DNAH5: variants seen among roughly 807,000 people sequenced by gnomAD.
DNAH5 encodes the protein axonemal beta dynein heavy chain 5.
DNAH5 carries 372 observed loss-of-function variants against 518.2 expected under a neutral mutation model. The ratio of observed to expected loss-of-function variants is 0.72; its 90% confidence interval spans 0.66 to 0.78. The LOEUF (loss-of-function observed/expected upper bound fraction) is 0.78, where lower values mean the gene tolerates loss of function less well. Ranked by LOEUF, DNAH5 falls within the 30% of genes least tolerant of loss-of-function variation. The pLI is 0.00. For missense variants in DNAH5, 5,523 were observed against 5,687.0 expected (o/e 0.97, Z 0.93); for synonymous variants, 2,039 against 2,025.9 (o/e 1.01, Z -0.17).
intron 16 of DNAH5, among the ~76,000 whole-genome samples, 155 bp from the exon 17 acceptor site, chr5:13,891,276 T>C (rs1773183670): frequency 6.6e-6 from 1 of 152,238 alleles, no homozygotes. Flanking sequence ...CACTTGGTTG[T>C]CGCTAATAAA....
In DNAH5 at chr5:13,707,430, TAACGCGAGCCATCTGCAGATGGCAA is replaced by T. The variant is rs981696221; in HGVS notation, c.13338+668_13338+692del. On this transcript the variant is annotated intron_variant, in intron 76 of 78. Coordinates refer to ENST00000265104, the MANE Select transcript of DNAH5 (RefSeq NM_001369.3). This position sits in a 1 kb window ranked among gnomAD's most constrained non-coding sequence, Gnocchi z 4.0. ...ATAAAGAGGGTCTAATTGAGCTGAT[TAACGCGAGCCATCTGCAGATGGCAA>T]AACTGAAAGAGTACACTGTAACACA... 1.3e-5 allele frequency among the ~76,000 whole-genome samples: 2 copies of T among 152,164 alleles called. No individual in the cohort carries two copies. Among genetic ancestry groups the T allele is most frequent in the African/African-American group, 4.8e-5 (2 of 41,432 alleles).
intron 75 of DNAH5, among the ~76,000 whole-genome samples, chr5:13,710,634 AAAG>A (rs1471650283): frequency 6.6e-6 from 1 of 152,218 alleles, no homozygotes; most frequent in African/African-American, 2.4e-5. Context: ...TTCACCAAGA[AAAG>A]AAGAGAGAAA....
intron 35 of DNAH5, among the ~76,000 whole-genome samples, chr5:13,833,750 C>T (rs1764000983): frequency 6.6e-6 from 1 of 152,184 alleles, no homozygotes; most frequent in African/African-American, 2.4e-5. Flanking sequence ...CCTCCATCAG[C>T]CCTCAATTTC....
At chr5:13,746,733 C>A (rs1208848973) in intron 65 of DNAH5, among the ~76,000 whole-genome samples, 2 of 152,066 alleles carry the variant, frequency 1.3e-5, no homozygotes, top group Admixed American at 1.3e-4. Flanking sequence ...GCAGGCAATA[C>A]GCTCATGACT....
chr5:13,864,184 T>C (rs138408562), intron 28 of DNAH5, among the ~76,000 whole-genome samples: 97 of 152,324 alleles, frequency 6.4e-4, no homozygotes, highest in African/African-American at 2.1e-3. Flanking sequence ...TATTTAATAA[T>C]CTGTAAATGC....
intron 47 of DNAH5, among the ~76,000 whole-genome samples, chr5:13,796,946 G>A (rs1757918586): frequency 6.6e-6 from 1 of 152,174 alleles, no homozygotes; most frequent in Non-Finnish European, 1.5e-5. Flanking sequence ...AACAAGAAAT[G>A]AGGAAAGGAT....
chr5:14,010,634 T>C (rs981705869), intron 1 of DNAH5, among the ~76,000 whole-genome samples: 1 of 152,094 alleles, frequency 6.6e-6, no homozygotes, highest in Non-Finnish European at 1.5e-5. Flanking sequence ...ACACAAAATA[T>C]AGTGAAAATT....
chr5:13,911,270 G>C, intron 12 of DNAH5, 116 bp downstream of exon 12: 1 of 801,052 alleles, frequency 1.2e-6, no homozygotes, highest in Non-Finnish European at 2.2e-6. Flanking sequence ...GTTGCTATCG[G>C]TCACCTCCAT....
At chr5:13,809,235 C>G (rs770469376) in intron 45 of DNAH5, 49 bp from the exon 46 acceptor site, 7 of 1,607,010 alleles carry the variant, frequency 4.4e-6, no homozygotes, top group Non-Finnish European at 5.1e-6. Flanking sequence ...AATTCAACTC[C>G]GAACTGTAAT....
At chr5:13,953,988 A>G (rs10058759) in intron 1 of DNAH5, among the ~76,000 whole-genome samples, 3,234 of 152,282 alleles carry the variant, frequency 0.021, 108 homozygotes, top group African/African-American at 0.074. Context: ...GATTACAGGT[A>G]TGAGCTGCCA....
At chr5:13,778,257 G>C (rs1018320184) in intron 53 of DNAH5, among the ~76,000 whole-genome samples, 4 of 151,890 alleles carry the variant, frequency 2.6e-5, no homozygotes, top group Non-Finnish European at 2.9e-5. Context: ...AAAGAAGTGA[G>C]ATCCAAGAGA....
chr5:13,693,748 C>A (rs1741001961), intron 78 of DNAH5, among the ~76,000 whole-genome samples: 1 of 152,170 alleles, frequency 6.6e-6, no homozygotes, highest in Non-Finnish European at 1.5e-5. Context: ...GAATGAGAAA[C>A]CTTCTTCTAA....
intron 46 of DNAH5, 75 bp downstream of exon 46, chr5:13,808,969 C>A: frequency 6.4e-7 from 1 of 1,563,178 alleles, no homozygotes. Flanking sequence ...CAGTAAATAA[C>A]TAAATAAATA....
chr5:13,805,856 A>G (rs188436715), intron 47 of DNAH5, among the ~76,000 whole-genome samples: 1 of 152,202 alleles, frequency 6.6e-6, no homozygotes, highest in African/African-American at 2.4e-5. Context: ...GGTCAGAGGT[A>G]TGGGTCTCTT....
At chr5:13,788,487 C>G (rs539206677) in intron 51 of DNAH5, among the ~76,000 whole-genome samples, 1 of 152,312 alleles carries the variant, frequency 6.6e-6, no homozygotes, top group Non-Finnish European at 1.5e-5. Flanking sequence ...CCCCCCAACT[C>G]TACTTTAATA....
intron 78 of DNAH5, among the ~76,000 whole-genome samples, chr5:13,695,016 G>C (rs985739259): frequency 1.1e-4 from 17 of 152,202 alleles, no homozygotes; most frequent in Non-Finnish European, 2.4e-4. Flanking sequence ...GAGAGCTATA[G>C]TGATAACTGA....
chr5:13,732,136 A>T (rs1746663616), intron 68 of DNAH5, among the ~76,000 whole-genome samples: 1 of 151,408 alleles, frequency 6.6e-6, no homozygotes. Context: ...AAAAAAAAAA[A>T]AATGGAAATC....
intron 1 of DNAH5, among the ~76,000 whole-genome samples, chr5:13,941,586 G>A (rs1348275946): frequency 2.0e-5 from 3 of 152,180 alleles, no homozygotes; most frequent in Admixed American, 6.5e-5. Context: ...AAGATAATCT[G>A]AGAGCAAAGG....
chr5:13,964,893 T>C (rs1781428887), intron 1 of DNAH5, among the ~76,000 whole-genome samples: 1 of 152,168 alleles, frequency 6.6e-6, no homozygotes, highest in African/African-American at 2.4e-5. Context: ...TCACCCTAAA[T>C]CTCCTCTCTT....
Sources: gnomAD v4.1 joint callset for allele counts (sites outside exome capture counted in the v4.1 genomes callset) on GRCh38, gnomAD v4.1.1 for gene constraint, Gnocchi (gnomAD v3.1) non-coding constraint, MANE v1.5 for transcripts, NCBI Gene and HGNC (gene_info 2026-07-23, HGNC 2026-07-21) for gene names.